The following MED6 variants were observed in gnomAD, a reference collection of about 807,000 sequenced individuals.
MED6 encodes mediator of RNA polymerase II transcription subunit 6.
A neutral mutation model predicts 37.5 loss-of-function variants in MED6; 33 were observed. The observed-to-expected ratio is 0.88, with a 90% confidence interval of 0.67 to 1.18. MED6 has a LOEUF of 1.18. MED6 is among the 50% of genes most tolerant of loss of function. MED6 has a pLI of 0.00. For missense variants in MED6, 235 were observed against 290.6 expected, an observed-to-expected ratio of 0.81 and a Z score of 1.39; for synonymous variants, 94 against 93.6, an observed-to-expected ratio of 1.00 and a Z score of -0.02.
chr14:70,596,460 G>C, intron 3 of MED6, 151 bp downstream of exon 3: 1 of 561,342 alleles, frequency 1.8e-6, no homozygotes, highest in South Asian at 2.5e-5. Flanking sequence ...CATATGCTAA[G>C]TCTGGTGAGT....
In MED6 at chr14:70,597,835, AC is replaced by A. The variant is rs746808327; in HGVS notation, c.23-59del. 5.0e-4 allele frequency: 703 copies of A among 1,410,918 alleles called. 2 individuals are homozygous for A. The highest frequency in any genetic ancestry group is 6.2e-4 in the Non-Finnish European group (662 of 1,059,870). The allele number at this position is 1,410,918 out of a possible 1,614,324, so 87.4% of individuals were successfully genotyped here. On this transcript the variant is annotated intron_variant, in intron 1 of 7. Transcript: ENST00000256379. ...AGAAAAATAGAAAGAATCCAATCCAACAAACATTTATTATACATCAAATGTA... is the reference window on the plus strand; with the variant it reads ...AGAAAAATAGAAAGAATCCAATCCAAAAACATTTATTATACATCAAATGTA...
intron 7 of MED6, among the ~76,000 whole-genome samples, chr14:70,585,182 G>A (rs1403074928): frequency 6.6e-6 from 1 of 152,176 alleles, no homozygotes; most frequent in Non-Finnish European, 1.5e-5. Context: ...AAGACAGTAT[G>A]TAAAAACAAG....
At chr14:70,594,268 G>A (rs566779210) in intron 3 of MED6, among the ~76,000 whole-genome samples, 2 of 152,162 alleles carry the variant, frequency 1.3e-5, no homozygotes, top group Admixed American at 6.5e-5. Flanking sequence ...TCTGGTCATC[G>A]CTGGAAAAGG....
At chr14:70,586,667 C>T (rs1884716795) in intron 6 of MED6, among the ~76,000 whole-genome samples, 1 of 152,140 alleles carries the variant, frequency 6.6e-6, no homozygotes, top group African/African-American at 2.4e-5. Flanking sequence ...GATTTACATG[C>T]CCTCCCTAGG....
At chr14:70,598,327 T>A (rs1378464520) in intron 1 of MED6, among the ~76,000 whole-genome samples, 2 of 151,736 alleles carry the variant, frequency 1.3e-5, no homozygotes, top group Non-Finnish European at 2.9e-5. Context: ...AACAAAAAAT[T>A]AGCCGGGCAT....
chr14:70,596,278 T>C (rs981143521), intron 3 of MED6: 1 of 208,786 alleles, frequency 4.8e-6, no homozygotes, highest in Non-Finnish European at 9.8e-6. Context: ...TGCAGCTGCA[T>C]TTCACTGCTG....
chr14:70,592,713 C>CTAT (rs1465739473), intron 5 of MED6, 167 bp downstream of exon 5: 2 of 591,180 alleles, frequency 3.4e-6, no homozygotes, highest in African/African-American at 3.8e-5. Flanking sequence ...TATGTGAAAG[C>CTAT]TATTATTACC....
At chr14:70,588,522 A>G (rs928208088) in intron 6 of MED6, among the ~76,000 whole-genome samples, 6 of 151,398 alleles carry the variant, frequency 4.0e-5, no homozygotes, top group Non-Finnish European at 8.8e-5. Context: ...CATCTCTACT[A>G]AAAAATACAA....
Position 70,591,307 on chromosome 14 carries a change from G to C in MED6, c.541C>G (p.Leu181Val). The change falls in exon 6 of 8, where the codon CTT becomes GTT. Residue 181 changes from leucine (L) to valine (V), a missense_variant. Coordinates refer to ENST00000256379, the MANE Select transcript of MED6 (RefSeq NM_005466.4). The stretch of plus-strand genomic sequence containing the variant: ...GGAAATTTTTGTCTGAGGTCTAAAA[G>C]TAAAGCATCCACACGTTGTCTCTGA... ...IFQRQRVDAL[L>V]LDLRQKFPPK... 1 of 1,612,250 alleles carries C rather than the reference G, an allele frequency of 6.2e-7. No individual in the cohort carries two copies. The highest frequency in any genetic ancestry group is 8.5e-7 in the Non-Finnish European group (1 of 1,179,420).
chr14:70,597,471 C>T, intron 2 of MED6, 147 bp downstream of exon 2: 1 of 498,998 alleles, frequency 2.0e-6, no homozygotes, highest in Non-Finnish European at 3.2e-6. Flanking sequence ...AATAGTTACC[C>T]TGCATGTCAA....
intron 5 of MED6, 106 bp downstream of exon 5, chr14:70,592,774 A>G: frequency 7.8e-7 from 1 of 1,283,282 alleles, no homozygotes; most frequent in Non-Finnish European, 1.1e-6. Context: ...TCCCATGAAA[A>G]AGTGAAACAC....
At chr14:70,590,037 T>G (rs1447561381) in intron 6 of MED6, among the ~76,000 whole-genome samples, 1 of 152,258 alleles carries the variant, frequency 6.6e-6, no homozygotes, top group African/African-American at 2.4e-5. Flanking sequence ...TAATCAATAT[T>G]TTTAAACTAC....
At chr14:70,585,832 A>G in intron 6 of MED6, 49 bp from the exon 7 acceptor site, 1 of 1,545,080 alleles carries the variant, frequency 6.5e-7, no homozygotes, top group Non-Finnish European at 8.8e-7. Context: ...AAAAAGAAGA[A>G]AACAGGTCAA....
At chr14:70,596,403 C>T (rs1885047181) in intron 3 of MED6, 2 of 457,798 alleles carry the variant, frequency 4.4e-6, no homozygotes, top group South Asian at 7.1e-5. Context: ...AATCTGGCTG[C>T]GTACCCTTAC....
intron 3 of MED6, chr14:70,594,736 T>G: frequency 2.0e-6 from 1 of 490,392 alleles, no homozygotes; most frequent in South Asian, 1.8e-5. Context: ...TACAGGAGCC[T>G]GGCCATGGGA....
chr14:70,600,120 T>C (rs1002771989), intron 1 of MED6, among the ~76,000 whole-genome samples: 1 of 152,082 alleles, frequency 6.6e-6, no homozygotes, highest in Non-Finnish European at 1.5e-5. Flanking sequence ...CCCATAATAA[T>C]TGCTGGACGT....
At chr14:70,586,672 C>A (rs1440691517) in intron 6 of MED6, among the ~76,000 whole-genome samples, 1 of 152,158 alleles carries the variant, frequency 6.6e-6, no homozygotes, top group Non-Finnish European at 1.5e-5. Context: ...ACATGCCCTC[C>A]CTAGGCCTTC....
At chr14:70,589,016 G>A (rs1884796839) in intron 6 of MED6, among the ~76,000 whole-genome samples, 1 of 152,054 alleles carries the variant, frequency 6.6e-6, no homozygotes, top group Non-Finnish European at 1.5e-5. Flanking sequence ...AAAAAAAGTT[G>A]TCTTTCACTG....
intron 3 of MED6, 105 bp downstream of exon 3, chr14:70,596,506 G>C (rs1198301033): frequency 2.5e-6 from 2 of 787,062 alleles, no homozygotes; most frequent in East Asian, 2.7e-5. Flanking sequence ...TGTGGTCTTG[G>C]AGACCCCCCA....
Sources: allele counts gnomAD v4.1 joint callset (sites outside exome capture counted in the v4.1 genomes callset), GRCh38; gene constraint gnomAD v4.1.1; transcripts MANE v1.5; gene names NCBI Gene and HGNC (gene_info 2026-07-23, HGNC 2026-07-21).